RIMS2: variants seen among roughly 807,000 people sequenced by gnomAD.
RIMS2 encodes the protein regulating synaptic membrane exocytosis 2.
RIMS2 carries 59 observed loss-of-function variants against 174.4 expected under a neutral mutation model. The ratio of observed to expected loss-of-function variants is 0.34; its 90% CI spans 0.27 to 0.42. The LOEUF (loss-of-function observed/expected upper bound fraction) is 0.42. Among genes scored for constraint, RIMS2 ranks in the 10% least tolerant of loss-of-function variants. The probability of loss-of-function intolerance (pLI) is 1.00; values close to 1 mark genes in which losing one functional copy is unlikely to be tolerated. For synonymous variants in RIMS2, 606 were observed against 572.5 expected, an observed-to-expected ratio of 1.06 and a Z score of -0.84; for missense variants, 1,620 against 1,666.3, an observed-to-expected ratio of 0.97 and a Z score of 0.48.
intron 1 of RIMS2, among the ~76,000 whole-genome samples, chr8:103,564,680 G>A (rs2092107429): frequency 1.3e-5 from 2 of 152,228 alleles, no homozygotes; most frequent in South Asian, 2.1e-4. Context: ...GGCCAGTCTA[G>A]TCCTTCCACG....
chr8:103,567,669 GA>G (rs2092472910), intron 1 of RIMS2, among the ~76,000 whole-genome samples: 1 of 152,108 alleles, frequency 6.6e-6, no homozygotes, highest in Non-Finnish European at 1.5e-5. Context: ...ATTGTGCTTG[GA>G]TATATACCTA....
At chr8:103,605,741 G>A (rs902695530) in intron 1 of RIMS2, among the ~76,000 whole-genome samples, 2 of 152,100 alleles carry the variant, frequency 1.3e-5, no homozygotes, top group Admixed American at 6.6e-5. Flanking sequence ...GAGTGTATGT[G>A]TCGAGGAATT....
intron 1 of RIMS2, among the ~76,000 whole-genome samples, chr8:103,620,793 G>A (rs2095616467): frequency 6.6e-6 from 1 of 152,126 alleles, no homozygotes; most frequent in Admixed American, 6.6e-5. Context: ...CTGGCATATA[G>A]TGGTTACTCA....
intron 3 of RIMS2, among the ~76,000 whole-genome samples, chr8:103,818,783 T>G (rs892486571): frequency 1.3e-5 from 2 of 152,168 alleles, no homozygotes; most frequent in Non-Finnish European, 2.9e-5. Flanking sequence ...ATGGAGAAAT[T>G]TTAAAATAAG....
intron 1 of RIMS2, among the ~76,000 whole-genome samples, chr8:103,617,047 G>C (rs963149897): frequency 1.3e-5 from 2 of 151,904 alleles, no homozygotes; most frequent in Non-Finnish European, 2.9e-5. Flanking sequence ...GAACCAAAAA[G>C]CCCAGATAGC....
intron 19 of RIMS2, among the ~76,000 whole-genome samples, chr8:104,156,674 T>A (rs934551175): frequency 6.6e-6 from 1 of 152,218 alleles, no homozygotes; most frequent in Non-Finnish European, 1.5e-5. Flanking sequence ...TATAAATAAA[T>A]TTTTACAGAA....
chr8:103,526,935 TAAAAG>T (rs1434329028), intron 1 of RIMS2, among the ~76,000 whole-genome samples: 1 of 151,642 alleles, frequency 6.6e-6, no homozygotes, highest in Non-Finnish European at 1.5e-5. Flanking sequence ...GAAGGAGAAA[TAAAAG>T]AAAACCATAG....
At chr8:103,636,803 C>CCCCCCCCCCG (rs1322508776) in intron 1 of RIMS2, among the ~76,000 whole-genome samples, 1 of 74,176 alleles carries the variant, frequency 1.3e-5, no homozygotes, top group South Asian at 4.1e-4. Flanking sequence ...CCCCCCCCCA[C>CCCCCCCCCCG]ACACACACAC....
chr8:103,869,314 G>T (rs2099098960), intron 3 of RIMS2, among the ~76,000 whole-genome samples: 1 of 151,742 alleles, frequency 6.6e-6, no homozygotes. Flanking sequence ...TCCTGCCTCA[G>T]CCTCCTGAGT....
chr8:104,136,351 T>C (rs1186118135), intron 19 of RIMS2, among the ~76,000 whole-genome samples: 2 of 152,186 alleles, frequency 1.3e-5, no homozygotes, highest in Non-Finnish European at 2.9e-5. Flanking sequence ...TGGAATGTTT[T>C]CTAGGGATAA....
chr8:103,502,123 G>C (rs1048645793), intron 1 of RIMS2, among the ~76,000 whole-genome samples: 9 of 152,132 alleles, frequency 5.9e-5, no homozygotes, highest in African/African-American at 1.9e-4. Context: ...GAGTTATTCA[G>C]ATGATTCTTT....
rs1027609471 is a variant in RIMS2, at chr8:103,667,549, G to A, written c.177-29537G>A. On this transcript the variant is annotated intron_variant, in intron 1 of 23. Coordinates refer to ENST00000504942, the Ensembl canonical transcript of RIMS2. ...AAAGATATTAAAATTTCTTGAACACGTTGTTTTTCATCTTTCATGTATCAA... is the reference window on the plus strand; with the variant it reads ...AAAGATATTAAAATTTCTTGAACACATTGTTTTTCATCTTTCATGTATCAA... Among the ~76,000 whole-genome samples the A allele has an allele frequency of 3.3e-5, 5 of 152,132 alleles. No homozygotes were observed. In the South Asian group the frequency reaches 6.2e-4, roughly 19 times the overall value.
At chr8:104,188,047 G>A (rs2098977213) in intron 19 of RIMS2, among the ~76,000 whole-genome samples, 1 of 151,688 alleles carries the variant, frequency 6.6e-6, no homozygotes, top group South Asian at 2.1e-4. Flanking sequence ...AGATGTAGAA[G>A]TAATCACATA....
intron 2 of RIMS2, among the ~76,000 whole-genome samples, chr8:103,714,227 A>C (rs779980201): frequency 6.6e-6 from 1 of 152,188 alleles, no homozygotes; most frequent in African/African-American, 2.4e-5. Context: ...TGTACTTACT[A>C]TGGGCATGTT....
chr8:103,657,195 T>C (rs2096541912), intron 1 of RIMS2, among the ~76,000 whole-genome samples: 1 of 152,164 alleles, frequency 6.6e-6, no homozygotes, highest in African/African-American at 2.4e-5. Flanking sequence ...GAGCACAGGT[T>C]CACTAAAGAC....
chr8:103,666,294 A>G (rs1381418567), intron 1 of RIMS2, among the ~76,000 whole-genome samples: 1 of 152,210 alleles, frequency 6.6e-6, no homozygotes, highest in Non-Finnish European at 1.5e-5. Context: ...TTATACATCT[A>G]GTTAGATTAC....
At chr8:103,907,213 G>A (rs1406587606) in intron 4 of RIMS2, among the ~76,000 whole-genome samples, 1 of 152,158 alleles carries the variant, frequency 6.6e-6, no homozygotes, top group Non-Finnish European at 1.5e-5. Context: ...GTTCTAACAT[G>A]TTCCCAGGTG....
chr8:104,022,663 G>A (rs2096134392), intron 19 of RIMS2, among the ~76,000 whole-genome samples: 1 of 152,148 alleles, frequency 6.6e-6, no homozygotes, highest in African/African-American at 2.4e-5. Context: ...TGGGATTACA[G>A]GTGTGAGCCA....
chr8:103,500,760 G>A, exon 1 of RIMS2: 2 of 572,032 alleles, frequency 3.5e-6, no homozygotes, highest in South Asian at 4.6e-5. Context: ...TGTCGCCTTG[G>A]ATTGAAGGCC....
Sources: gnomAD v4.1 joint callset for allele counts (sites outside exome capture counted in the v4.1 genomes callset) on GRCh38, gnomAD v4.1.1 for gene constraint, MANE v1.5 for transcripts, NCBI Gene and HGNC (gene_info 2026-07-23, HGNC 2026-07-21) for gene names.